Variants in SEL1L2 observed in about 807,000 individuals in gnomAD.
SEL1L2 encodes protein sel-1 homolog 2.
SEL1L2 carries 89 observed loss-of-function variants against 98.8 expected under a neutral mutation model. The ratio of observed to expected loss-of-function variants is 0.90; its 90% CI spans 0.76 to 1.07. The LOEUF (loss-of-function observed/expected upper bound fraction) is 1.07, where lower values mean the gene tolerates loss of function less well. Ranked by LOEUF, SEL1L2 falls within the 50% of genes least tolerant of loss-of-function variation. The probability of loss-of-function intolerance (pLI) is 0.00; values close to 1 mark genes in which losing one functional copy is unlikely to be tolerated. For missense variants in SEL1L2, 788 were observed against 812.0 expected, an observed-to-expected ratio of 0.97 and a Z score of 0.36; for synonymous variants, 262 against 278.5, an observed-to-expected ratio of 0.94 and a Z score of 0.59.
chr20:13,941,661 A>G (rs1321209185), intron 2 of SEL1L2, among the ~76,000 whole-genome samples: 2 of 152,216 alleles, frequency 1.3e-5, no homozygotes, highest in Non-Finnish European at 2.9e-5. Flanking sequence ...GACAGATGAG[A>G]TTTTTGGAGG....
intron 18 of SEL1L2, among the ~76,000 whole-genome samples, chr20:13,853,295 C>T (rs1228661283): frequency 1.3e-5 from 2 of 151,858 alleles, no homozygotes; most frequent in Non-Finnish European, 2.9e-5. Flanking sequence ...ACCTCCAGGG[C>T]TTGAGCGATC....
intron 4 of SEL1L2, among the ~76,000 whole-genome samples, chr20:13,918,007 T>C (rs1290549318): frequency 6.6e-6 from 1 of 151,844 alleles, no homozygotes; most frequent in East Asian, 1.9e-4. Flanking sequence ...GCCAGGCTGG[T>C]CTCAAACTCC....
intron 2 of SEL1L2, among the ~76,000 whole-genome samples, chr20:13,933,446 A>G (rs1420889260): frequency 6.6e-6 from 1 of 152,086 alleles, no homozygotes; most frequent in Non-Finnish European, 1.5e-5. Flanking sequence ...CCCAGCCCTA[A>G]GCAACCACTA....
At chr20:13,892,626 T>C (rs979995410) in intron 5 of SEL1L2, among the ~76,000 whole-genome samples, 3 of 151,564 alleles carry the variant, frequency 2.0e-5, no homozygotes, top group African/African-American at 4.9e-5. Flanking sequence ...AAGGACAAAA[T>C]AACTACAAGA....
intron 4 of SEL1L2, among the ~76,000 whole-genome samples, chr20:13,916,785 A>C (rs1011403656): frequency 4.6e-5 from 7 of 152,072 alleles, no homozygotes; most frequent in African/African-American, 1.4e-4. Flanking sequence ...CAGCCTGGGC[A>C]ACAGAGTGAG....
intron 2 of SEL1L2, among the ~76,000 whole-genome samples, chr20:13,941,069 C>T (rs938656121): frequency 2.0e-5 from 3 of 152,170 alleles, no homozygotes; most frequent in African/African-American, 4.8e-5. Flanking sequence ...TAGAGAAAAG[C>T]TAGCTTGCTT....
intron 2 of SEL1L2, among the ~76,000 whole-genome samples, chr20:13,937,418 G>A (rs1320085380): frequency 6.6e-6 from 1 of 152,228 alleles, no homozygotes; most frequent in Non-Finnish European, 1.5e-5. Flanking sequence ...ACAAAGTCTA[G>A]GAGCCTGCTC....
chr20:13,959,235 G>A (rs570865878), intron 1 of SEL1L2, among the ~76,000 whole-genome samples: 2 of 152,070 alleles, frequency 1.3e-5, no homozygotes, highest in Non-Finnish European at 2.9e-5. Context: ...ATTGTGATGG[G>A]CAACGAAAAG....
At chr20:13,910,474 T>C (rs993363515) in intron 5 of SEL1L2, among the ~76,000 whole-genome samples, 2 of 152,226 alleles carry the variant, frequency 1.3e-5, no homozygotes, top group Non-Finnish European at 2.9e-5. Context: ...AGAAGAGCTA[T>C]TATGTGATAG....
chr20:13,958,719 G>A (rs893939541), intron 1 of SEL1L2, among the ~76,000 whole-genome samples: 2 of 151,766 alleles, frequency 1.3e-5, no homozygotes, highest in East Asian at 3.9e-4. Context: ...GTCAGATCAC[G>A]AGGTCAGGAG....
chr20:13,994,010 C>T (rs1601085525), upstream of SEL1L2, among the ~76,000 whole-genome samples: 1 of 151,948 alleles, frequency 6.6e-6, no homozygotes, highest in East Asian at 1.9e-4. Context: ...TCGTATTTCA[C>T]AGCATTAAAA....
intron 3 of SEL1L2, among the ~76,000 whole-genome samples, chr20:13,926,261 G>A (rs913347685): frequency 4.6e-5 from 7 of 152,194 alleles, no homozygotes; most frequent in African/African-American, 1.2e-4. Flanking sequence ...CTTGTAGTGA[G>A]CGGAGATGGC....
intron 10 of SEL1L2, among the ~76,000 whole-genome samples, chr20:13,883,852 G>A (rs1045674043): frequency 2.0e-5 from 3 of 152,206 alleles, no homozygotes; most frequent in Non-Finnish European, 4.4e-5. Flanking sequence ...AAATGAGGAC[G>A]TCTTCCTAGT....
At chr20:13,975,479 G>A (rs2051491590) in intron 1 of SEL1L2, among the ~76,000 whole-genome samples, 1 of 152,072 alleles carries the variant, frequency 6.6e-6, no homozygotes, top group Non-Finnish European at 1.5e-5. Flanking sequence ...CAGAGTAAAC[G>A]CCTTTGATTC....
At chr20:13,922,460 T>C (rs922882039) in intron 3 of SEL1L2, among the ~76,000 whole-genome samples, 15 of 152,234 alleles carry the variant, frequency 9.9e-5, no homozygotes, top group Non-Finnish European at 2.1e-4. Flanking sequence ...TCTAGGATTG[T>C]ATCTTCCTGA....
chr20:13,989,832 C>T (rs1855288781), intron 1 of SEL1L2, among the ~76,000 whole-genome samples: 1 of 151,896 alleles, frequency 6.6e-6, no homozygotes, highest in African/African-American at 2.4e-5. Context: ...TTTTCTCTGA[C>T]AGGGAATTGA....
intron 14 of SEL1L2, 80 bp from the exon 15 acceptor site, chr20:13,866,930 T>G: frequency 7.7e-7 from 1 of 1,292,786 alleles, no homozygotes; most frequent in Non-Finnish European, 1.0e-6. Flanking sequence ...ATAGTCATAG[T>G]GATGCCTGCT....
intron 10 of SEL1L2, among the ~76,000 whole-genome samples, chr20:13,880,776 T>C (rs1390850711): frequency 1.3e-5 from 2 of 152,158 alleles, no homozygotes; most frequent in African/African-American, 4.8e-5. Context: ...TTTTTCTTCC[T>C]CAGAACATAA....
In SEL1L2 at chr20:13,970,745, C is replaced by T. The variant is rs115207266; in HGVS notation, c.59-14614G>A. On this transcript the variant is annotated intron_variant, in intron 1 of 19. Coordinates refer to ENST00000284951, the MANE Select transcript of SEL1L2 (RefSeq NM_025229.2). Reference sequence around the variant, plus strand: ...TACTCGGGAGGCTGAGACAAGAGAACTACTTGAACCTGGCGGGTGGAGTTT... The same window carrying T: ...TACTCGGGAGGCTGAGACAAGAGAATTACTTGAACCTGGCGGGTGGAGTTT... Among the ~76,000 whole-genome samples the T allele has an allele frequency of 1.0e-2, 1,521 of 152,120 alleles. 23 individuals carry two copies. The highest frequency in any genetic ancestry group is 0.035 in the African/African-American group (1,433 of 41,504).
Sources: gnomAD v4.1 joint callset for allele counts (sites outside exome capture counted in the v4.1 genomes callset) on GRCh38, gnomAD v4.1.1 for gene constraint, MANE v1.5 for transcripts, NCBI Gene and HGNC (gene_info 2026-07-23, HGNC 2026-07-21) for gene names.